CSMD2: variants seen among roughly 807,000 people sequenced by gnomAD.
CSMD2 encodes the protein CUB and Sushi multiple domains 2, also known as CUB and sushi domain-containing protein 2.
Under a neutral mutation model 398.5 loss-of-function variants are expected in CSMD2, and 130 were observed. The observed-to-expected ratio is 0.33, with a 90% CI of 0.28 to 0.38. The LOEUF (loss-of-function observed/expected upper bound fraction) is 0.38. Among genes scored for constraint, CSMD2 ranks in the 10% least tolerant of loss-of-function variants. The pLI is 1.00. For synonymous variants in CSMD2, 1,828 were observed against 1,908.5 expected, an observed-to-expected ratio of 0.96 and a Z score of 1.10; for missense variants, 3,829 against 4,764.9, an observed-to-expected ratio of 0.80 and a Z score of 5.78.
At chr1:34,108,762 C>T (rs962016231) in intron 1 of CSMD2, among the ~76,000 whole-genome samples, 16 of 152,120 alleles carry the variant, frequency 1.1e-4, no homozygotes, top group Non-Finnish European at 5.9e-5. Flanking sequence ...CCTGAGTGCC[C>T]GAGACTCTGT....
intron 1 of CSMD2, among the ~76,000 whole-genome samples, chr1:34,112,684 A>G (rs1238706054): frequency 6.6e-6 from 1 of 152,220 alleles, no homozygotes; most frequent in East Asian, 1.9e-4. Context: ...GCCTTCCAAT[A>G]AGATAATCTA....
chr1:33,944,242 A>G (rs1439564214), intron 3 of CSMD2, among the ~76,000 whole-genome samples: 5 of 151,030 alleles, frequency 3.3e-5, no homozygotes, highest in Non-Finnish European at 5.9e-5. Flanking sequence ...CCCCCCCCCA[A>G]CTCCTGTGAT....
chr1:33,625,158 C>T lies in CSMD2; in HGVS notation c.5393G>A (p.Arg1798His). The change falls in exon 34 of 71, where the codon CGC (arginine) becomes CAC (histidine). Residue 1798 changes from arginine (R) to histidine (H), a missense_variant. This residue lies in a region of CSMD2 where 2,001 missense variants were observed against 2,567.1 expected (regional missense o/e 0.78). Coordinates refer to ENST00000373381, the MANE Select transcript of CSMD2 (RefSeq NM_001281956.2). Reference protein sequence around the residue: ...GSDFSVGAIVRFECNSGYALQ... With the variant: ...GSDFSVGAIVHFECNSGYALQ... ...GGCATAGCCGGAGTTGCATTCGAAG[C>T]GGACGATGGCCCCCACCGAGAAGTC... is the stretch of plus-strand genomic sequence containing the variant. 1 of 1,595,578 alleles carries T rather than the reference C, an allele frequency of 6.3e-7. No homozygotes were observed. The highest frequency in any genetic ancestry group is 1.4e-5 in the African/African-American group (1 of 69,382).
intron 4 of CSMD2, among the ~76,000 whole-genome samples, chr1:33,933,688 A>G (rs1467130564): frequency 1.3e-5 from 2 of 152,184 alleles, no homozygotes; most frequent in Non-Finnish European, 2.9e-5. Context: ...GTTAGGCCAC[A>G]CACCTGTGTA....
chr1:34,074,991 G>C (rs1467632359), intron 2 of CSMD2, among the ~76,000 whole-genome samples: 1 of 152,212 alleles, frequency 6.6e-6, no homozygotes, highest in African/African-American at 2.4e-5. Flanking sequence ...CTTATACCCT[G>C]ATTATTTAAC....
chr1:34,018,065 C>T (rs1177965495), intron 3 of CSMD2, among the ~76,000 whole-genome samples: 3 of 152,308 alleles, frequency 2.0e-5, no homozygotes, highest in South Asian at 4.1e-4. Flanking sequence ...ATCTCACTGC[C>T]TGCCCACGTC....
chr1:33,896,653 C>A (rs769443423), intron 5 of CSMD2, among the ~76,000 whole-genome samples: 8 of 152,130 alleles, frequency 5.3e-5, no homozygotes, highest in Non-Finnish European at 1.0e-4. Flanking sequence ...GAACTCCCAA[C>A]TTCCAGGCTC....
chr1:33,591,138 G>A (rs1449782973), intron 44 of CSMD2, among the ~76,000 whole-genome samples: 7 of 151,758 alleles, frequency 4.6e-5, no homozygotes, highest in Admixed American at 1.3e-4. Context: ...ACAGGCATGC[G>A]CCACCACGTC....
chr1:33,726,420 A>G, intron 16 of CSMD2, 127 bp downstream of exon 16: 1 of 1,155,032 alleles, frequency 8.7e-7, no homozygotes, highest in South Asian at 1.8e-5. Context: ...AATTTGGTCC[A>G]GTGTTCTCCA....
chr1:34,011,286 T>C (rs756103656), intron 3 of CSMD2, among the ~76,000 whole-genome samples: 40 of 152,300 alleles, frequency 2.6e-4, no homozygotes, highest in Non-Finnish European at 4.1e-4. Context: ...TAATAACTCT[T>C]TCTAATAACT....
At chr1:33,889,916 T>A (rs1641873250) in intron 5 of CSMD2, among the ~76,000 whole-genome samples, 1 of 151,968 alleles carries the variant, frequency 6.6e-6, no homozygotes, top group South Asian at 2.1e-4. Flanking sequence ...TACTCTCAGG[T>A]ATGCTTTGAA....
At chr1:33,617,724 A>T in intron 37 of CSMD2, 107 bp from the exon 38 acceptor site, 3 of 777,694 alleles carry the variant, frequency 3.9e-6, no homozygotes, top group Non-Finnish European at 6.7e-6. Context: ...GGTGCTTCTA[A>T]TTTGTGCTTT....
chr1:33,727,744 G>C (rs1274453950), intron 15 of CSMD2, among the ~76,000 whole-genome samples: 1 of 152,168 alleles, frequency 6.6e-6, no homozygotes, highest in Non-Finnish European at 1.5e-5. Context: ...TGTTAAATAT[G>C]TAGCTTCAGT....
rs538526240 is a variant in CSMD2 at position 34,126,814 on chromosome 1, A to C, written c.188-37621T>G. On this transcript the variant is annotated intron_variant, in intron 1 of 70. Transcript: ENST00000373381. ...AGAGAGAGAGACATAGGGGAGAGAG[A>C]GAGACATAGATGGGGAGAGAGACGG... 2.0e-3 allele frequency among the ~76,000 whole-genome samples: 307 copies of C among 151,314 alleles called. 1 individual carries two copies. Among genetic ancestry groups the C allele is most frequent in the African/African-American group, 7.3e-3 (299 of 41,196 alleles).
In CSMD2 at chr1:33,612,717, G is replaced by A. The variant is rs568532256; in HGVS notation, c.6134-1467C>T. On this transcript the variant is annotated intron_variant, in intron 40 of 70. Transcript: ENST00000373381. ...TTTTTTTTGAGACAGAGTCTTGTTC[G>A]GTCGCCCGGGCTGGAGTGCAGTGGC... is the stretch of plus-strand genomic sequence containing the variant. 1.1e-4 allele frequency among the ~76,000 whole-genome samples: 16 copies of A among 148,552 alleles called. No individual in the cohort carries two copies. The East Asian group carries it at 2.6e-3, about 24-fold the overall frequency.
chr1:33,999,458 C>T (rs1646829958), intron 3 of CSMD2, among the ~76,000 whole-genome samples: 1 of 152,132 alleles, frequency 6.6e-6, no homozygotes, highest in Non-Finnish European at 1.5e-5. Context: ...GTAGCGAGAT[C>T]ATAGCTCACT....
chr1:33,982,549 A>C (rs774729353), intron 3 of CSMD2, among the ~76,000 whole-genome samples: 1 of 152,222 alleles, frequency 6.6e-6, no homozygotes, highest in Non-Finnish European at 1.5e-5. Flanking sequence ...TATCACAGGC[A>C]CTGTACGTCC....
At chr1:33,545,383 T>C (rs1263123492) in intron 57 of CSMD2, among the ~76,000 whole-genome samples, 1 of 152,068 alleles carries the variant, frequency 6.6e-6, no homozygotes, top group Non-Finnish European at 1.5e-5. Context: ...ACTTTGAGAG[T>C]TTTCTAAAAT....
intron 2 of CSMD2, among the ~76,000 whole-genome samples, chr1:34,048,216 T>A (rs1466692144): frequency 1.3e-5 from 2 of 152,366 alleles, no homozygotes; most frequent in Non-Finnish European, 2.9e-5. Flanking sequence ...ATAATGATGA[T>A]GTTTGTTATT....
Sources: gnomAD v4.1 joint callset for allele counts (sites outside exome capture counted in the v4.1 genomes callset) on GRCh38, gnomAD v4.1.1 for gene constraint, gnomAD v4.1.1 regional missense constraint, MANE v1.5 for transcripts, NCBI Gene and HGNC (gene_info 2026-07-23, HGNC 2026-07-21) for gene names.